The following HS3ST5 variants were observed in gnomAD, a reference collection of about 807,000 sequenced individuals.
The protein encoded by HS3ST5 is heparan sulfate-glucosamine 3-sulfotransferase 5, also known as heparan sulfate glucosamine 3-O-sulfotransferase 5.
Under a neutral mutation model 25.4 loss-of-function variants are expected in HS3ST5, and 10 were observed. The observed-to-expected ratio is 0.39, with a 90% CI of 0.24 to 0.67. The LOEUF is 0.67. Among genes scored for constraint, HS3ST5 ranks in the 30% least tolerant of loss-of-function variants. The pLI, the probability that HS3ST5 is intolerant of heterozygous loss-of-function variation, is 0.44. For missense variants in HS3ST5, 324 were observed against 420.7 expected (o/e 0.77, Z 2.01); for synonymous variants, 170 against 162.4 (o/e 1.05, Z -0.36).
chr6:114,264,622 A>T (rs1048283125), intron 1 of HS3ST5, among the ~76,000 whole-genome samples: 2 of 151,756 alleles, frequency 1.3e-5, no homozygotes, highest in African/African-American at 4.8e-5. Flanking sequence ...TTTTCTTCTT[A>T]TACTTATTTG....
chr6:114,326,162 G>A (rs1175291130), intron 1 of HS3ST5, among the ~76,000 whole-genome samples: 1 of 152,152 alleles, frequency 6.6e-6, no homozygotes, highest in Non-Finnish European at 1.5e-5. Context: ...GGTGAACTGG[G>A]TGGGTCACCT....
At chr6:114,235,907 T>C (rs2460438) in intron 1 of HS3ST5, 98,407 of 152,132 alleles carry the variant, frequency 0.65, 31,788 homozygotes, top group South Asian at 0.69. Context: ...ACACAAAGAA[T>C]ATCAATGTTT....
chr6:114,282,476 T>C (rs545822054), intron 1 of HS3ST5, among the ~76,000 whole-genome samples: 1 of 152,122 alleles, frequency 6.6e-6, no homozygotes, highest in South Asian at 2.1e-4. Context: ...TCTTAGGCTA[T>C]TAGGCCATGT....
intron 3 of HS3ST5, among the ~76,000 whole-genome samples, chr6:114,153,569 G>A: frequency 6.6e-6 from 1 of 152,144 alleles, no homozygotes; most frequent in Non-Finnish European, 1.5e-5. Context: ...TGAAATTTCT[G>A]TCCTGGATTA....
At chr6:114,135,229 A>G (rs552879192) in intron 3 of HS3ST5, among the ~76,000 whole-genome samples, 2 of 152,320 alleles carry the variant, frequency 1.3e-5, no homozygotes, top group East Asian at 3.9e-4. Context: ...AATGTTTCCT[A>G]CACCCTGATC....
At chr6:114,203,914 A>G (rs1353222930) in intron 2 of HS3ST5, among the ~76,000 whole-genome samples, 6 of 152,162 alleles carry the variant, frequency 3.9e-5, no homozygotes. Context: ...GGCAAGAGGA[A>G]CCCATTGGGC....
rs1230435399 is a variant in HS3ST5, at chr6:114,218,007, C to CT, written c.-145+10577dup. On this transcript the variant is annotated intron_variant, in intron 2 of 4. Transcript: ENST00000312719. ...TACGTATTTCTTCTTTTCTTTTCTT[C>CT]TTTTTTTTGAGACAGAGTGTCGCTC... Among the ~76,000 whole-genome samples the CT allele has an allele frequency of 2.0e-5, 3 of 151,754 alleles. No homozygotes were observed. The South Asian group carries it at 6.3e-4, about 32-fold the overall frequency.
At chr6:114,252,546 G>A (rs1467719915) in intron 1 of HS3ST5, among the ~76,000 whole-genome samples, 2 of 152,148 alleles carry the variant, frequency 1.3e-5, no homozygotes, top group African/African-American at 2.4e-5. Context: ...GAGGATTATT[G>A]TGGGGGTACC....
Position 114,057,464 on chromosome 6 carries a change from C to T in HS3ST5, c.834G>A (p.Arg278=). ...TGAAGTATAAATTGTATTGACTTAT[C>T]CTTGGAGGCAGATTTAGGAACTTCT... The part of the protein sequence containing the change: ...LVEKFLNLPP[R]ISQYNLYFNA... The change falls in exon 5 of 5, where the codon AGG becomes AGA. Residue 278 remains arginine, a synonymous_variant. Transcript: ENST00000312719. The T allele has an allele frequency of 3.1e-6, 5 of 1,614,096 alleles. No individual in the cohort carries two copies. In the East Asian group the frequency reaches 1.1e-4, roughly 36 times the overall value.
chr6:114,306,244 T>TATAC, intron 1 of HS3ST5, among the ~76,000 whole-genome samples: 1 of 104,688 alleles, frequency 9.6e-6, no homozygotes, highest in East Asian at 2.1e-4. Context: ...TATACATATA[T>TATAC]ATATATATAT....
intron 1 of HS3ST5, among the ~76,000 whole-genome samples, chr6:114,322,245 T>C (rs1562275622): frequency 6.6e-6 from 1 of 152,130 alleles, no homozygotes; most frequent in East Asian, 1.9e-4. Flanking sequence ...TTTCAGAATG[T>C]GTTTATATTT....
intron 3 of HS3ST5, among the ~76,000 whole-genome samples, chr6:114,110,177 C>T (rs1238198020): frequency 6.6e-6 from 1 of 152,092 alleles, no homozygotes; most frequent in Non-Finnish European, 1.5e-5. Flanking sequence ...TTGATTTTCC[C>T]TTAGCCTACT....
rs1776452845 is a variant in HS3ST5, at chr6:114,332,711, C to G, written c.-339+9484G>C. Among the ~76,000 whole-genome samples the G allele has an allele frequency of 2.0e-5, 3 of 151,980 alleles. 1 individual carries two copies. Among genetic ancestry groups the G allele is most frequent in the Admixed American group, 2.0e-4 (3 of 15,242 alleles). ...ATAGAGTATGATCTGTACTACCAAACAGAGAAGCAGAAAGATAGCCCATCC... is the reference window on the plus strand; with the variant it reads ...ATAGAGTATGATCTGTACTACCAAAGAGAGAAGCAGAAAGATAGCCCATCC... On this transcript the variant is annotated intron_variant, in intron 1 of 4. Transcript: ENST00000312719.
chr6:114,231,640 C>T (rs1276789304), intron 1 of HS3ST5, among the ~76,000 whole-genome samples: 1 of 151,944 alleles, frequency 6.6e-6, no homozygotes, highest in Non-Finnish European at 1.5e-5. Context: ...CAAAGTTGCA[C>T]TCTAATTTTC....
chr6:114,265,703 T>A (rs1258898699), intron 1 of HS3ST5, among the ~76,000 whole-genome samples: 1 of 152,208 alleles, frequency 6.6e-6, no homozygotes, highest in Admixed American at 6.5e-5. Context: ...GATTTGTTAA[T>A]TTTCATCTTA....
intron 3 of HS3ST5, among the ~76,000 whole-genome samples, chr6:114,122,244 C>G (rs909193504): frequency 3.3e-5 from 5 of 152,176 alleles, no homozygotes; most frequent in Non-Finnish European, 7.3e-5. Context: ...GCAGGATACC[C>G]ATATCATCCT....
intron 2 of HS3ST5, among the ~76,000 whole-genome samples, chr6:114,169,878 G>C (rs1421846434): frequency 6.6e-6 from 1 of 152,082 alleles, no homozygotes; most frequent in Non-Finnish European, 1.5e-5. Context: ...TTAGTTCAAG[G>C]AACAAAACAT....
rs536951679 is a variant in HS3ST5 at position 114,150,157 on chromosome 6, A to C, written c.-33+18194T>G. Among the ~76,000 whole-genome samples, 18 of 152,310 alleles carry C rather than the reference A, an allele frequency of 1.2e-4. No homozygotes were observed. In the South Asian group the frequency reaches 3.5e-3, roughly 30 times the overall value. ...GTCTTCTGCTCAATATTGTCACATA[A>C]ATGGTTTTAATTTAAGAATACTTTC... On this transcript the variant is annotated intron_variant, in intron 3 of 4. Coordinates refer to ENST00000312719, the MANE Select transcript of HS3ST5 (RefSeq NM_153612.4).
At chr6:114,099,101 G>A (rs765581363) in intron 3 of HS3ST5, among the ~76,000 whole-genome samples, 22 of 152,112 alleles carry the variant, frequency 1.4e-4, no homozygotes, top group Non-Finnish European at 2.8e-4. Flanking sequence ...CTGAGTCAGC[G>A]CTAGTCTTCC....
Sources: allele counts gnomAD v4.1 joint callset (sites outside exome capture counted in the v4.1 genomes callset), GRCh38; gene constraint gnomAD v4.1.1; transcripts MANE v1.5; gene names NCBI Gene and HGNC (gene_info 2026-07-23, HGNC 2026-07-21).